The following AFF3 variants were observed in gnomAD, a reference collection of about 807,000 sequenced individuals.
AFF3 encodes ALF transcription elongation factor 3, also known as AF4/FMR2 family member 3.
A neutral mutation model predicts 129.7 loss-of-function variants in AFF3; 32 were observed. The observed-to-expected ratio is 0.25, with a 90% CI of 0.19 to 0.33. The LOEUF (loss-of-function observed/expected upper bound fraction) is 0.33. Among genes scored for constraint, AFF3 ranks in the 10% least tolerant of loss-of-function variants. The probability of loss-of-function intolerance (pLI) is 1.00; values close to 1 mark genes in which losing one functional copy is unlikely to be tolerated. For missense variants in AFF3, 1,373 were observed against 1,592.0 expected, an observed-to-expected ratio of 0.86 and a Z score of 2.34; for synonymous variants, 644 against 635.4, an observed-to-expected ratio of 1.01 and a Z score of -0.20.
At chr2:100,073,019 C>A (rs150567119) in intron 4 of AFF3, among the ~76,000 whole-genome samples, 1 of 152,168 alleles carries the variant, frequency 6.6e-6, no homozygotes, top group African/African-American at 2.4e-5. Flanking sequence ...TAAAGGCCAA[C>A]GCTGTGAGTG....
At chr2:99,767,284 G>A (rs1310504637) in intron 8 of AFF3, among the ~76,000 whole-genome samples, 4 of 152,294 alleles carry the variant, frequency 2.6e-5, no homozygotes, top group African/African-American at 9.6e-5. Context: ...ATCTATATTC[G>A]AACAGTTGCT....
At chr2:99,776,601 A>G (rs1051195058) in intron 8 of AFF3, among the ~76,000 whole-genome samples, 1 of 152,250 alleles carries the variant, frequency 6.6e-6, no homozygotes, top group Non-Finnish European at 1.5e-5. Flanking sequence ...CTGTGAAATT[A>G]TATTTCAAAC....
intron 14 of AFF3, among the ~76,000 whole-genome samples, chr2:99,598,291 G>C (rs181085793): frequency 1.8e-3 from 270 of 152,136 alleles, no homozygotes; most frequent in African/African-American, 6.0e-3. Flanking sequence ...AGTGAGTTCC[G>C]TGTGTGGGGT....
At chr2:100,011,060 G>A (rs1282589998) in intron 4 of AFF3, among the ~76,000 whole-genome samples, 1 of 152,134 alleles carries the variant, frequency 6.6e-6, no homozygotes, top group African/African-American at 2.4e-5. Flanking sequence ...GGATCACGAG[G>A]TCAGGAGATC....
intron 11 of AFF3, among the ~76,000 whole-genome samples, chr2:99,674,459 C>T (rs1261301007): frequency 6.6e-6 from 1 of 152,172 alleles, no homozygotes; most frequent in African/African-American, 2.4e-5. Context: ...TTTTCCTACC[C>T]AAAGGCACAG....
chr2:100,137,161 A>G (rs1461688159), intron 1 of AFF3, among the ~76,000 whole-genome samples: 1 of 152,226 alleles, frequency 6.6e-6, no homozygotes, highest in Admixed American at 6.5e-5. Context: ...TAACCGATGT[A>G]TAAGGCTGTC....
intron 7 of AFF3, among the ~76,000 whole-genome samples, chr2:99,898,660 C>G (rs1430758947): frequency 6.6e-6 from 1 of 152,236 alleles, no homozygotes; most frequent in Admixed American, 6.5e-5. Context: ...TGGGTCGCCT[C>G]TGGCCCACCT....
intron 11 of AFF3, among the ~76,000 whole-genome samples, chr2:99,700,631 G>C (rs1324248721): frequency 2.0e-5 from 3 of 152,212 alleles, no homozygotes; most frequent in Admixed American, 6.5e-5. Flanking sequence ...TGGTTTGTCA[G>C]CTCTGTTTAC....
At chr2:99,579,736 ATG>A (rs200872953) in intron 17 of AFF3, among the ~76,000 whole-genome samples, 5 of 129,326 alleles carry the variant, frequency 3.9e-5, no homozygotes, top group African/African-American at 8.6e-5. Context: ...ATGTATACAT[ATG>A]TGTGTGTGTA....
At position 99,550,579 on chromosome 2, in the gene AFF3, G is replaced by A. The variant is rs778396423; in HGVS notation, c.*895C>T. On this transcript the variant is annotated 3_prime_UTR_variant, in exon 25 of 25. Coordinates refer to ENST00000672756, the MANE Select transcript of AFF3 (RefSeq NM_001386135.1). ...AATGCCATGTGGCTCTACAGCCACC[G>A]AGTCACAGTGGCAGGAAGAAGAAAT... The A allele has an allele frequency of 2.8e-4, 66 of 232,774 alleles. 2 individuals are homozygous for A. The highest frequency in any genetic ancestry group is 1.4e-3 in the South Asian group (8 of 5,532). The allele number at this position is 232,774 out of a possible 1,614,324, so 14.4% of individuals were successfully genotyped here. A position where few individuals can be genotyped will look rare whatever the true frequency, so the allele number is the denominator to read the frequency against.
intron 4 of AFF3, among the ~76,000 whole-genome samples, chr2:100,026,340 A>G (rs1398307021): frequency 2.6e-5 from 4 of 152,200 alleles, no homozygotes. Context: ...AATCAAAACC[A>G]CAATGTGATG....
At chr2:99,828,493 A>T (rs12327932) in intron 8 of AFF3, among the ~76,000 whole-genome samples, 93,316 of 152,062 alleles carry the variant, frequency 0.61, 30,130 homozygotes, top group South Asian at 0.79. Context: ...AGCAGTGCAG[A>T]CCAGAAAGTG....
chr2:99,899,189 C>T (rs1694187211), intron 7 of AFF3, among the ~76,000 whole-genome samples: 1 of 152,176 alleles, frequency 6.6e-6, no homozygotes, highest in Non-Finnish European at 1.5e-5. Flanking sequence ...ATACCTCTTC[C>T]TACTTTCACG....
intron 8 of AFF3, among the ~76,000 whole-genome samples, chr2:99,764,196 C>G (rs900743348): frequency 2.6e-5 from 4 of 152,216 alleles, no homozygotes; most frequent in Admixed American, 1.3e-4. Flanking sequence ...TCTGGCCTTT[C>G]ATTACTTCCT....
chr2:99,979,664 T>C (rs1340390552), intron 7 of AFF3, among the ~76,000 whole-genome samples: 1 of 152,072 alleles, frequency 6.6e-6, no homozygotes, highest in African/African-American at 2.4e-5. Flanking sequence ...TTTTAACTTT[T>C]GTAGAGATGG....
intron 7 of AFF3, among the ~76,000 whole-genome samples, chr2:99,960,253 G>A (rs1293938439): frequency 6.6e-6 from 1 of 151,992 alleles, no homozygotes; most frequent in East Asian, 1.9e-4. Context: ...TAACATCTGA[G>A]TAATTACTCC....
intron 4 of AFF3, among the ~76,000 whole-genome samples, chr2:100,096,190 A>C (rs1690276319): frequency 1.3e-5 from 2 of 152,156 alleles, no homozygotes; most frequent in African/African-American, 4.8e-5. Flanking sequence ...TTCTCCACAA[A>C]TCCAAAAGTG....
At chr2:99,555,627 T>A (rs1674839961) in intron 22 of AFF3, among the ~76,000 whole-genome samples, 1 of 152,034 alleles carries the variant, frequency 6.6e-6, no homozygotes, top group Admixed American at 6.5e-5. Flanking sequence ...AACCCAATCA[T>A]GCCTTCATAG....
chr2:99,582,798 C>A lies in AFF3; in HGVS notation c.2793G>T (p.Thr931=). 1 of 1,613,894 alleles carries A rather than the reference C, an allele frequency of 6.2e-7. No homozygotes were observed. Among genetic ancestry groups the A allele is most frequent in the Non-Finnish European group, 8.5e-7 (1 of 1,179,938 alleles). Residue 931 remains threonine (T), a splice_region_variant and synonymous_variant, in exon 17 of 25, where the codon ACG becomes ACT. Coordinates refer to ENST00000672756, the MANE Select transcript of AFF3 (RefSeq NM_001386135.1). ...TGGGAAAGGAAGAGCATCAACAAACCGTGAGGTCTCCGCCGTGAGGCTGCA... is the reference window on the plus strand; with the variant it reads ...TGGGAAAGGAAGAGCATCAACAAACAGTGAGGTCTCCGCCGTGAGGCTGCA... ...SQLQPHGGDL[T]KAAHNNSENI...
Sources: gnomAD v4.1 joint callset for allele counts (sites outside exome capture counted in the v4.1 genomes callset) on GRCh38, gnomAD v4.1.1 for gene constraint, MANE v1.5 for transcripts, NCBI Gene and HGNC (gene_info 2026-07-23, HGNC 2026-07-21) for gene names.